LRRC43: variants seen among roughly 807,000 people sequenced by gnomAD.
The protein encoded by LRRC43 is leucine rich repeat containing 43.
LRRC43 carries 62 observed loss-of-function variants against 64.3 expected under a neutral mutation model. The observed-to-expected ratio is 0.96, with a 90% CI of 0.79 to 1.19. LRRC43 has a LOEUF of 1.19. LRRC43 is among the 50% of genes most tolerant of loss of function. LRRC43 has a pLI of 0.00. For missense variants in LRRC43, 868 were observed against 845.0 expected, an observed-to-expected ratio of 1.03 and a Z score of -0.34; for synonymous variants, 422 against 382.3, an observed-to-expected ratio of 1.10 and a Z score of -1.21.
chr12:122,170,337 A>G (rs1288559875), intron 1 of LRRC43, among the ~76,000 whole-genome samples: 1 of 152,030 alleles, frequency 6.6e-6, no homozygotes, highest in Non-Finnish European at 1.5e-5. Flanking sequence ...GGGGGCTTAA[A>G]TGCCTGCTAC....
chr12:122,175,689 A>G (rs1953531519), intron 1 of LRRC43, among the ~76,000 whole-genome samples: 1 of 151,030 alleles, frequency 6.6e-6, no homozygotes, highest in Non-Finnish European at 1.5e-5. Flanking sequence ...TTTTTGAGAC[A>G]GAGTTTCGCT....
At chr12:122,189,651 T>C in intron 4 of LRRC43, 1 of 371,746 alleles carries the variant, frequency 2.7e-6, no homozygotes, top group Non-Finnish European at 5.3e-6. Flanking sequence ...CATCTCCTGC[T>C]TCTAGACCGC....
chr12:122,196,374 G>A (rs1413987176), intron 7 of LRRC43, among the ~76,000 whole-genome samples: 1 of 152,114 alleles, frequency 6.6e-6, no homozygotes, highest in Non-Finnish European at 1.5e-5. Context: ...AATTTCCCAA[G>A]TTCAACAATT....
chr12:122,176,304 G>A (rs915395314), intron 1 of LRRC43, among the ~76,000 whole-genome samples: 1 of 152,066 alleles, frequency 6.6e-6, no homozygotes, highest in African/African-American at 2.4e-5. Flanking sequence ...AAATGAGCTC[G>A]ATGCTGTTCC....
chr12:122,178,437 T>C (rs1301728991), upstream of LRRC43, among the ~76,000 whole-genome samples: 1 of 152,104 alleles, frequency 6.6e-6, no homozygotes, highest in Non-Finnish European at 1.5e-5. Context: ...CAGACCTAAA[T>C]GTCCACCTGA....
chr12:122,174,279 C>A, intron 1 of LRRC43: 1 of 1,313,642 alleles, frequency 7.6e-7, no homozygotes, highest in South Asian at 1.2e-5. Flanking sequence ...AAAGAGCAGT[C>A]AGCGTCCCGC....
Position 122,191,406 on chromosome 12 carries a change from G to C in LRRC43, c.928G>C (p.Val310Leu). Residue 310 changes from valine (V) to leucine (L), a missense_variant, in exon 6 of 12, where the codon GTG (valine) becomes CTG (leucine). Val to Leu is a conservative substitution (Grantham distance 32). Coordinates refer to ENST00000339777, the MANE Select transcript of LRRC43 (RefSeq NM_001098519.2). ...TCTCTTGGCACAGGAGGCGCAGTTT[G>C]TGGTGACCATCGGAAACATCAGAGG... is the stretch of plus-strand genomic sequence containing the variant. ...GDLLAQEAQFVVTIGNIRGVL... is the reference protein window; with the variant it reads ...GDLLAQEAQFLVTIGNIRGVL... The C allele has an allele frequency of 6.2e-7, 1 of 1,613,452 alleles. No homozygotes were observed. Among genetic ancestry groups the C allele is most frequent in the East Asian group, 2.2e-5 (1 of 44,844 alleles).
At chr12:122,187,956 C>A in intron 4 of LRRC43, 116 bp downstream of exon 4, 2 of 1,025,400 alleles carry the variant, frequency 2.0e-6, no homozygotes, top group Non-Finnish European at 2.9e-6. Context: ...TCCCAGTTGG[C>A]TGCTAAATCC....
chr12:122,187,012 T>C (rs1157936197), intron 3 of LRRC43, among the ~76,000 whole-genome samples: 2 of 152,044 alleles, frequency 1.3e-5, no homozygotes, highest in Non-Finnish European at 2.9e-5. Context: ...GGTGGGCAGA[T>C]TGCCTGTTCT....
intron 4 of LRRC43, chr12:122,189,443 T>C: frequency 2.2e-6 from 1 of 456,724 alleles, no homozygotes; most frequent in Non-Finnish European, 4.4e-6. Context: ...GGAGATGCTG[T>C]GCTGACAGCG....
rs114469196 is a variant in LRRC43 at position 122,169,808 on chromosome 12, T to C, written c.-406+2026T>C. Among the ~76,000 whole-genome samples, 1,088 of 152,026 alleles carry C rather than the reference T, an allele frequency of 7.2e-3. 14 individuals are homozygous for C. The highest frequency in any genetic ancestry group is 0.023 in the African/African-American group (966 of 41,518). Reference sequence around the variant, plus strand: ...TCTTGTCAACCATTTATTTTGTTGTTGTTTGTTGTTGTTGTTTTGAAACAA... The same window carrying C: ...TCTTGTCAACCATTTATTTTGTTGTCGTTTGTTGTTGTTGTTTTGAAACAA... On this transcript the variant is annotated intron_variant, in intron 1 of 5. Transcript: ENST00000537729.
chr12:122,201,262 A>T (rs1467206110), intron 10 of LRRC43, 34 bp from the exon 11 acceptor site: 1 of 1,612,600 alleles, frequency 6.2e-7, no homozygotes, highest in Non-Finnish European at 8.5e-7. Context: ...TCCCCTCTCC[A>T]GTAAGCATCT....
chr12:122,200,777 C>T lies in LRRC43; in HGVS notation c.1652C>T (p.Pro551Leu), dbSNP rs201056489. The change falls in exon 10 of 12, where the codon CCG (proline) becomes CTG (leucine). Residue 551 changes from proline (P) to leucine (L), a missense_variant. Coordinates refer to ENST00000339777, the MANE Select transcript of LRRC43 (RefSeq NM_001098519.2). The surrounding 1 kb of genome is among the most constrained non-coding windows in gnomAD (Gnocchi z 4.6). ...AAGGTGCTGAAGAAGAAGAAAGAGC[C>T]GCCCAAGGAGCTCCGGCAGGACCCC... ...EWKVLKKKKE[P>L]PKELRQDPPI... The T allele has an allele frequency of 2.1e-4, 345 of 1,612,812 alleles. 6 individuals carry two copies. The highest frequency in any genetic ancestry group is 1.5e-3 in the South Asian group (138 of 91,076).
chr12:122,187,800 C>G lies in LRRC43; in HGVS notation c.622C>G (p.Leu208Val), dbSNP rs1953663923. ...CTTGGGGTTAGGCCACAACAAACTTCTAGGCCCCTTGGAAAGTCTCTACGT... is the reference window on the plus strand; with the variant it reads ...CTTGGGGTTAGGCCACAACAAACTTGTAGGCCCCTTGGAAAGTCTCTACGT... ...QHLGLGHNKL[L>V]GPLESLYVTA... Residue 208 changes from leucine (L) to valine (V), a missense_variant, in exon 4 of 12, where the codon CTA (leucine) becomes GTA (valine). Coordinates refer to ENST00000339777, the MANE Select transcript of LRRC43 (RefSeq NM_001098519.2). 6.2e-7 allele frequency: 1 copy of G among 1,614,062 alleles called. No homozygotes were observed. The highest frequency in any genetic ancestry group is 1.3e-5 in the African/African-American group (1 of 74,942).
At chr12:122,182,891 C>G (rs956456577), upstream of LRRC43, 2 of 528,770 alleles carry the variant, frequency 3.8e-6, no homozygotes, top group South Asian at 4.9e-5. Context: ...GATGACTTTC[C>G]GTGGGGAGTG....
chr12:122,172,149 C>T (rs554158388), intron 1 of LRRC43: 56 of 356,466 alleles, frequency 1.6e-4, no homozygotes, highest in African/African-American at 1.1e-3. Context: ...CCCACCCTCA[C>T]GAGGGTATAA....
chr12:122,183,069 G>A (rs1953596586), upstream of LRRC43: 2 of 1,488,392 alleles, frequency 1.3e-6, no homozygotes, highest in South Asian at 2.5e-5. Context: ...TTCCCTCGGG[G>A]CAGGTGAGAG....
chr12:122,201,442 G>C (rs1593156266), intron 11 of LRRC43, 113 bp downstream of exon 11: 2 of 906,148 alleles, frequency 2.2e-6, no homozygotes, highest in South Asian at 1.4e-5. Context: ...CTTCTGGCCT[G>C]GGGAGAGGCC....
At position 122,203,406 on chromosome 12, in the gene LRRC43, C is replaced by T; in HGVS notation, c.1935C>T (p.Arg645=). Residue 645 remains arginine, a synonymous_variant, in exon 12 of 12, where the codon CGC becomes CGT. Coordinates refer to ENST00000339777, the MANE Select transcript of LRRC43 (RefSeq NM_001098519.2). Reference sequence around the variant, plus strand: ...TGCAGATCCAGCTGAACCAGTGCCGCTCGGCGGAGGAGGCTCTGCGCATGT... The same window carrying T: ...TGCAGATCCAGCTGAACCAGTGCCGTTCGGCGGAGGAGGCTCTGCGCATGT... ...VEVQIQLNQC[R]SAEEALRMFA... The T allele has an allele frequency of 6.2e-7, 1 of 1,612,490 alleles. No homozygotes were observed. Among genetic ancestry groups the T allele is most frequent in the South Asian group, 1.1e-5 (1 of 90,880 alleles).
Sources: allele counts gnomAD v4.1 joint callset (sites outside exome capture counted in the v4.1 genomes callset), GRCh38; gene constraint gnomAD v4.1.1; non-coding constraint Gnocchi (gnomAD v3.1); transcripts MANE v1.5; gene names NCBI Gene and HGNC (gene_info 2026-07-23, HGNC 2026-07-21).